SLC7A7: variants seen among roughly 807,000 people sequenced by gnomAD.
SLC7A7 encodes the protein solute carrier family 7 member 7, also known as Y+L amino acid transporter 1.
In SLC7A7, 39 loss-of-function variants were observed where a neutral mutation model predicts 47.9. The ratio of observed to expected loss-of-function variants is 0.81; its 90% CI spans 0.63 to 1.06. The LOEUF (loss-of-function observed/expected upper bound fraction) is 1.06. Ranked by LOEUF, SLC7A7 falls within the 50% of genes least tolerant of loss-of-function variation. The pLI is 0.00. For synonymous variants in SLC7A7, 234 were observed against 242.8 expected, an observed-to-expected ratio of 0.96 and a Z score of 0.34; for missense variants, 588 against 632.0, an observed-to-expected ratio of 0.93 and a Z score of 0.75.
chr14:22,787,217 C>T (rs2038832618), intron 2 of SLC7A7, among the ~76,000 whole-genome samples: 1 of 151,994 alleles, frequency 6.6e-6, no homozygotes, highest in Non-Finnish European at 1.5e-5. Context: ...GGGAGGATCA[C>T]CTGAGGTCAG....
chr14:22,789,254 C>T (rs562878597), intron 2 of SLC7A7, among the ~76,000 whole-genome samples: 1 of 152,102 alleles, frequency 6.6e-6, no homozygotes, highest in Non-Finnish European at 1.5e-5. Flanking sequence ...TAATGGCCCC[C>T]CAAAGATGTC....
intron 2 of SLC7A7, among the ~76,000 whole-genome samples, chr14:22,795,425 T>C (rs1182940657): frequency 1.4e-5 from 2 of 145,624 alleles, no homozygotes; most frequent in African/African-American, 5.1e-5. Flanking sequence ...TTTCTTTCTT[T>C]CTTTCTTTCT....
intron 2 of SLC7A7, among the ~76,000 whole-genome samples, chr14:22,808,756 A>G (rs1468847757): frequency 6.6e-6 from 1 of 152,222 alleles, no homozygotes; most frequent in Non-Finnish European, 1.5e-5. Flanking sequence ...TTAGATCTCT[A>G]TGCTCCTCTG....
chr14:22,776,809 A>G (rs1040398899), intron 4 of SLC7A7, among the ~76,000 whole-genome samples: 5 of 152,132 alleles, frequency 3.3e-5, no homozygotes, highest in African/African-American at 1.2e-4. Context: ...TCCTACTAAA[A>G]ATATAAATAA....
intron 3 of SLC7A7, among the ~76,000 whole-genome samples, chr14:22,779,425 C>G (rs565198909): frequency 6.6e-6 from 1 of 151,480 alleles, no homozygotes; most frequent in Non-Finnish European, 1.5e-5. Flanking sequence ...CTCTACTTAC[C>G]GGTAGCAACT....
At chr14:22,776,079 A>T in intron 5 of SLC7A7, 116 bp downstream of exon 5, 1 of 1,501,398 alleles carries the variant, frequency 6.7e-7, no homozygotes, top group Non-Finnish European at 9.3e-7. Flanking sequence ...CAAGCCCGGT[A>T]TTCTAAATGA....
At position 22,813,081 on chromosome 14, in the gene SLC7A7, A is replaced by G. The variant is rs772506118; in HGVS notation, c.318T>C (p.Tyr106=). 1.2e-6 allele frequency: 2 copies of G among 1,614,192 alleles called. No homozygotes were observed. Among genetic ancestry groups the G allele is most frequent in the Non-Finnish European group, 1.7e-6 (2 of 1,180,028 alleles). The part of the protein sequence containing the change: ...TIKKSGASYA[Y]ILEAFGGFLA... The stretch of plus-strand genomic sequence containing the variant: ...GGAATCCTCCAAAGGCCTCCAGGAT[A>G]TAGGCATAGCTGGCCCCAGATTTCT... Residue 106 remains tyrosine, a synonymous_variant, in exon 2 of 10, where the codon TAT becomes TAC. Transcript: ENST00000674313.
In SLC7A7 at chr14:22,798,723, T is replaced by C. The variant is rs116997233; in HGVS notation, c.499+14177A>G. Among the ~76,000 whole-genome samples, 695 of 152,328 alleles carry C rather than the reference T, an allele frequency of 4.6e-3. 1 individual carries two copies. Among genetic ancestry groups the C allele is most frequent in the Non-Finnish European group, 7.7e-3 (527 of 68,022 alleles). ...CCGTTCCTGGGTCTCTACAATGCAG[T>C]CTGAGATGTTGCAACTCCTTCCTCT... On this transcript the variant is annotated intron_variant, in intron 2 of 9. Transcript: ENST00000674313.
At chr14:22,804,475 T>A (rs1594975438) in intron 2 of SLC7A7, among the ~76,000 whole-genome samples, 1 of 151,874 alleles carries the variant, frequency 6.6e-6, no homozygotes, top group Middle Eastern at 3.4e-3. Flanking sequence ...CTGAAAAAGG[T>A]CTAATAACCA....
At chr14:22,796,993 C>T (rs941169869) in intron 2 of SLC7A7, among the ~76,000 whole-genome samples, 3 of 152,210 alleles carry the variant, frequency 2.0e-5, no homozygotes, top group African/African-American at 7.2e-5. Flanking sequence ...ATGAATATAA[C>T]TTGCAGTAAT....
At chr14:22,785,377 G>A (rs1196694480) in intron 2 of SLC7A7, among the ~76,000 whole-genome samples, 1 of 152,160 alleles carries the variant, frequency 6.6e-6, no homozygotes, top group Non-Finnish European at 1.5e-5. Flanking sequence ...CCCCTCCTCT[G>A]TCTCCACACA....
intron 4 of SLC7A7, among the ~76,000 whole-genome samples, chr14:22,776,779 C>T (rs944812830): frequency 2.0e-5 from 3 of 151,902 alleles, no homozygotes; most frequent in Admixed American, 2.0e-4. Flanking sequence ...ACCAGCCTGG[C>T]CAACATGGCA....
At chr14:22,793,209 GC>G (rs2038957897) in intron 2 of SLC7A7, among the ~76,000 whole-genome samples, 2 of 151,950 alleles carry the variant, frequency 1.3e-5, no homozygotes, top group Admixed American at 1.3e-4. Context: ...AAACCACCAC[GC>G]CCAGCCAATT....
At chr14:22,815,661 G>C (rs1594989078), upstream of SLC7A7, 1 of 454,014 alleles carries the variant, frequency 2.2e-6, no homozygotes, top group Non-Finnish European at 4.4e-6. Flanking sequence ...CTCTGCTCTG[G>C]GACCAGGGGC....
chr14:22,790,991 C>T lies in SLC7A7; in HGVS notation c.500-10940G>A, dbSNP rs910854028. Among the ~76,000 whole-genome samples the T allele has an allele frequency of 8.9e-5, 11 of 123,308 alleles. No individual in the cohort carries two copies. The South Asian group carries it at 2.8e-3, about 32-fold the overall frequency. The allele number at this position is 123,308 out of a possible 152,430, so 80.9% of individuals were successfully genotyped here. A position where few individuals can be genotyped will look rare whatever the true frequency, so the allele number is the denominator to read the frequency against. On this transcript the variant is annotated intron_variant, in intron 2 of 9. Transcript: ENST00000674313. ...CCAGCCTGGTGACAGAGCGAGACTC[C>T]GTCTCACAAAAAAAAAAAAAAAAGG...
intron 2 of SLC7A7, among the ~76,000 whole-genome samples, chr14:22,794,402 G>A (rs779925447): frequency 6.6e-6 from 1 of 152,174 alleles, no homozygotes. Flanking sequence ...CAAGCAGGCA[G>A]TTTGTACCAG....
At chr14:22,815,850 G>C, upstream of SLC7A7, 2 of 369,018 alleles carry the variant, frequency 5.4e-6, no homozygotes, top group South Asian at 4.0e-5. Context: ...TTAAGAAAGG[G>C]AGGAAGGTTG....
chr14:22,816,114 A>G (rs761625127), upstream of SLC7A7: 2 of 167,586 alleles, frequency 1.2e-5, no homozygotes, highest in African/African-American at 4.8e-5. Context: ...ATTCTTGACA[A>G]AACATACCAA....
chr14:22,787,008 T>C (rs2038829224), intron 2 of SLC7A7, among the ~76,000 whole-genome samples: 1 of 152,152 alleles, frequency 6.6e-6, no homozygotes, highest in Non-Finnish European at 1.5e-5. Flanking sequence ...TTCCTCTGAG[T>C]TTTTATGCAT....
Sources: gnomAD v4.1 joint callset for allele counts (sites outside exome capture counted in the v4.1 genomes callset) on GRCh38, gnomAD v4.1.1 for gene constraint, MANE v1.5 for transcripts, NCBI Gene and HGNC (gene_info 2026-07-23, HGNC 2026-07-21) for gene names.